Variants in DPEP2 observed in about 807,000 individuals in gnomAD.
DPEP2 encodes dipeptidase 2.
DPEP2 carries 45 observed loss-of-function variants against 51.8 expected under a neutral mutation model. That is an observed-to-expected ratio of 0.87 (90% CI 0.68 to 1.11). The LOEUF is 1.11. DPEP2 is among the 50% of genes most tolerant of loss of function. The pLI is 0.00. For synonymous variants in DPEP2, 255 were observed against 262.7 expected (o/e 0.97, Z 0.28); for missense variants, 604 against 631.9 (o/e 0.96, Z 0.47).
At chr16:67,988,017 A>G (rs772642430) in intron 9 of DPEP2, 30 bp from the exon 10 acceptor site, 1 of 1,613,584 alleles carries the variant, frequency 6.2e-7, no homozygotes, top group Admixed American at 1.7e-5. Context: ...TGGGTTTCAG[A>G]CCTGATTCCC....
rs777610323 is a variant in DPEP2, at chr16:67,993,094, G to C, written c.119C>G (p.Pro40Arg). The part of the protein sequence containing the change: ...VTCAYTTPGP[P>R]RALTTLGAPR... ...GGCGCCCAGCGTGGTGAGGGCTCTG[G>C]GGGGGCCTGGCGTGGTGTAGGCACA... The change falls in exon 2 of 11, where the codon CCC becomes CGC. Residue 40 changes from proline to arginine, a missense_variant. Physicochemically the swap from Pro to Arg is moderately radical, Grantham distance 103. Coordinates refer to ENST00000393847, the MANE Select transcript of DPEP2 (RefSeq NM_022355.4). 1 of 1,569,682 alleles carries C rather than the reference G, an allele frequency of 6.4e-7. No homozygotes were observed. The highest frequency in any genetic ancestry group is 1.2e-5 in the South Asian group (1 of 86,142).
chr16:67,998,464 C>A (rs982898181), intron 1 of DPEP2, among the ~76,000 whole-genome samples: 1 of 152,228 alleles, frequency 6.6e-6, no homozygotes, highest in African/African-American at 2.4e-5. Context: ...GGGCAGGGCT[C>A]GGGACCTGCA....
chr16:67,990,271 T>C lies in DPEP2; in HGVS notation c.910-140A>G, dbSNP rs146608913. 3.8e-4 allele frequency: 283 copies of C among 739,676 alleles called. No homozygotes were observed. The East Asian group carries it at 5.1e-3, about 13-fold the overall frequency. The allele number at this position is 739,676 out of a possible 1,614,324, so 45.8% of individuals were successfully genotyped here. The stretch of plus-strand genomic sequence containing the variant: ...GAAACTTCACCTCTCTGGTTTTGTA[T>C]GAAGGGAGGAGTCTAGGCCCTGGTC... On this transcript the variant is annotated intron_variant, in intron 7 of 10. Transcript: ENST00000393847.
At chr16:67,988,077 GT>G in intron 9 of DPEP2, 90 bp from the exon 10 acceptor site, 1 of 1,554,986 alleles carries the variant, frequency 6.4e-7, no homozygotes, top group Non-Finnish European at 8.8e-7. Flanking sequence ...CCCAGCCCTG[GT>G]CAGGTATGGG....
At chr16:67,999,070 A>C (rs1021965485) in intron 1 of DPEP2, among the ~76,000 whole-genome samples, 1 of 152,126 alleles carries the variant, frequency 6.6e-6, no homozygotes, top group African/African-American at 2.4e-5. Context: ...GTCCCCTTCC[A>C]CACTGTGGAA....
At chr16:67,995,120 G>C (rs1452771007) in intron 1 of DPEP2, among the ~76,000 whole-genome samples, 1 of 151,898 alleles carries the variant, frequency 6.6e-6, no homozygotes, top group South Asian at 2.1e-4. Flanking sequence ...GGCTGGTCTC[G>C]AACTCCTGGT....
Position 67,987,409 on chromosome 16 carries a change from C to A in DPEP2, c.*97G>T, listed in dbSNP as rs2031521667. On this transcript the variant is annotated 3_prime_UTR_variant, in exon 11 of 11. Coordinates refer to ENST00000393847, the MANE Select transcript of DPEP2 (RefSeq NM_022355.4). ...CTCAGGTCTGTTTCTATGTCCAAAA[C>A]ATTTATTTCAGGAAATATTTGTGCC... The A allele has an allele frequency of 2.0e-6, 3 of 1,500,976 alleles. No individual in the cohort carries two copies. Among genetic ancestry groups the A allele is most frequent in the Admixed American group, 4.1e-5 (2 of 49,320 alleles). The allele number at this position is 1,500,976 out of a possible 1,614,324, so 93.0% of individuals were successfully genotyped here.
rs1452721094 is a variant in DPEP2 at position 67,990,882 on chromosome 16, G to T, written c.848C>A (p.Ser283Ter). The T allele has an allele frequency of 1.2e-6, 2 of 1,614,066 alleles. No homozygotes were observed. The highest frequency in any genetic ancestry group is 1.7e-6 in the Non-Finnish European group (2 of 1,180,046). The change falls in exon 7 of 11, where the codon TCG becomes TAG. Residue 283 changes from serine (S) to a stop codon, truncating the protein, a stop_gained. Coordinates refer to ENST00000393847, the MANE Select transcript of DPEP2 (RefSeq NM_022355.4). LOFTEE classifies it high-confidence loss of function. The stretch of plus-strand genomic sequence containing the variant: ...ACTGTTGCACACACCCCGGGCAGCC[G>T]AGTGGGAGAAGATCACAGGTGCCTG... ...VSQAPVIFSH[S>*]AARGVCNSAR...
chr16:67,999,064 C>T (rs1031069833), intron 1 of DPEP2, among the ~76,000 whole-genome samples: 1 of 152,120 alleles, frequency 6.6e-6, no homozygotes, highest in African/African-American at 2.4e-5. Flanking sequence ...GTTCTGGTCC[C>T]CTTCCACACT....
At chr16:67,998,903 C>A (rs779590042) in intron 1 of DPEP2, among the ~76,000 whole-genome samples, 1 of 152,118 alleles carries the variant, frequency 6.6e-6, no homozygotes, top group Non-Finnish European at 1.5e-5. Context: ...CTGGTGGCGA[C>A]GTGGAGAACC....
At chr16:67,994,260 G>A in intron 1 of DPEP2, 1 of 985,556 alleles carries the variant, frequency 1.0e-6, no homozygotes, top group Non-Finnish European at 1.2e-6. Flanking sequence ...CCTGAGGAAA[G>A]CCCTGCCACC....
chr16:67,993,146 G>T lies in DPEP2; in HGVS notation c.67C>A (p.Leu23Met). 2 of 1,535,158 alleles carry T rather than the reference G, an allele frequency of 1.3e-6. No homozygotes were observed. Among genetic ancestry groups the T allele is most frequent in the East Asian group, 4.8e-5 (2 of 41,690 alleles). The change falls in exon 2 of 11, where the codon CTG (leucine) becomes ATG (methionine). Residue 23 changes from leucine (L) to methionine (M), a missense_variant. Transcript: ENST00000393847. ...GRWPLLSLLL[L>M]LLLLQPVTCA... Reference sequence around the variant, plus strand: ...GTTACAGGCTGGAGCAGCAGCAGCAGGAGCAGCAGACTCAGCAGAGGCCAC... The same window carrying T: ...GTTACAGGCTGGAGCAGCAGCAGCATGAGCAGCAGACTCAGCAGAGGCCAC...
rs752645368 is a variant in DPEP2, at chr16:67,993,091, C to G, written c.122G>C (p.Arg41Thr). The G allele has an allele frequency of 8.9e-6, 14 of 1,568,088 alleles. No individual in the cohort carries two copies. The highest frequency in any genetic ancestry group is 2.7e-5 in the African/African-American group (2 of 73,628). The change falls in exon 2 of 11, where the codon AGA becomes ACA. Residue 41 changes from arginine (R) to threonine (T), a missense_variant. Physicochemically the swap from Arg to Thr is moderately conservative, Grantham distance 71. Transcript: ENST00000393847. ...GGGGGCGCCCAGCGTGGTGAGGGCT[C>G]TGGGGGGGCCTGGCGTGGTGTAGGC... is the stretch of plus-strand genomic sequence containing the variant. ...TCAYTTPGPP[R>T]ALTTLGAPRA...
At chr16:67,992,302 G>A (rs2032273902) in intron 3 of DPEP2, 109 bp from the exon 4 acceptor site, 1 of 1,475,616 alleles carries the variant, frequency 6.8e-7, no homozygotes, top group Non-Finnish European at 9.2e-7. Context: ...GAGGCCACAT[G>A]TAATGTACTG....
At chr16:67,994,933 C>T in intron 1 of DPEP2, 2 of 975,746 alleles carry the variant, frequency 2.0e-6, no homozygotes, top group Non-Finnish European at 2.4e-6. Context: ...CAGAGTCTCA[C>T]TTTGTTGCCC....
chr16:67,988,567 C>T (rs2031718003), intron 9 of DPEP2, among the ~76,000 whole-genome samples: 1 of 150,164 alleles, frequency 6.7e-6, no homozygotes, highest in South Asian at 2.1e-4. Flanking sequence ...TGTGCCACTG[C>T]ACTCCAGGCT....
intron 1 of DPEP2, among the ~76,000 whole-genome samples, chr16:67,996,445 G>C (rs2032702232): frequency 6.6e-6 from 1 of 151,580 alleles, no homozygotes; most frequent in Non-Finnish European, 1.5e-5. Context: ...GCAATGATGT[G>C]ATCTTGGCTC....
At position 67,988,203 on chromosome 16, in the gene DPEP2, T is replaced by A. The variant is rs1011088393; in HGVS notation, c.1071-216A>T. 5.2e-6 allele frequency: 3 copies of A among 575,942 alleles called. No homozygotes were observed. In the African/African-American group the frequency reaches 5.6e-5, roughly 11 times the overall value. 35.7% of individuals were successfully genotyped at this position (575,942 alleles called of 1,614,324 possible). On this transcript the variant is annotated intron_variant, in intron 9 of 10. Coordinates refer to ENST00000393847, the MANE Select transcript of DPEP2 (RefSeq NM_022355.4). ...CTTATTGAATCATACTATTAAGATC[T>A]ATGCCTTTTACTGAATGCAAATGAT... is the stretch of plus-strand genomic sequence containing the variant.
At chr16:67,988,745 A>T (rs2031747415) in intron 9 of DPEP2, among the ~76,000 whole-genome samples, 1 of 152,068 alleles carries the variant, frequency 6.6e-6, no homozygotes, top group African/African-American at 2.4e-5. Flanking sequence ...ACGAGACCCC[A>T]TCTCTGCCAA....
Sources: gnomAD v4.1 joint callset for allele counts (sites outside exome capture counted in the v4.1 genomes callset) on GRCh38, gnomAD v4.1.1 for gene constraint, MANE v1.5 for transcripts, NCBI Gene and HGNC (gene_info 2026-07-23, HGNC 2026-07-21) for gene names.